Variants in PSMA1 observed in about 807,000 individuals in gnomAD.
PSMA1 encodes the protein proteasome subunit alpha type-1.
PSMA1 carries 3 observed loss-of-function variants against 38.4 expected under a neutral mutation model. The ratio of observed to expected loss-of-function variants is 0.08; its 90% CI spans 0.04 to 0.20. The LOEUF is 0.20. Ranked by LOEUF, PSMA1 falls within the 10% of genes least tolerant of loss-of-function variation. The pLI, the probability that PSMA1 is intolerant of heterozygous loss-of-function variation, is 1.00. For missense variants in PSMA1, 227 were observed against 325.3 expected, an observed-to-expected ratio of 0.70 and a Z score of 2.32; for synonymous variants, 101 against 107.1, an observed-to-expected ratio of 0.94 and a Z score of 0.35.
chr11:14,603,466 G>A (rs1157429620), intron 2 of PSMA1, among the ~76,000 whole-genome samples: 4 of 152,082 alleles, frequency 2.6e-5, no homozygotes, highest in Non-Finnish European at 4.4e-5. Flanking sequence ...CCTCAAAATG[G>A]GCAATGAGGA....
At chr11:14,615,398 A>G (rs1244896872) in intron 1 of PSMA1, among the ~76,000 whole-genome samples, 1 of 152,192 alleles carries the variant, frequency 6.6e-6, no homozygotes, top group Non-Finnish European at 1.5e-5. Flanking sequence ...GGTAGATTTG[A>G]ACAGTGGGAC....
At chr11:14,507,114 G>C (rs1290338352) in intron 9 of PSMA1, among the ~76,000 whole-genome samples, 1 of 152,110 alleles carries the variant, frequency 6.6e-6, no homozygotes, top group South Asian at 2.1e-4. Context: ...TAAGTTTTGG[G>C]GTAGCTTATT....
At chr11:14,633,620 A>G (rs922246219) in intron 1 of PSMA1, among the ~76,000 whole-genome samples, 6 of 152,196 alleles carry the variant, frequency 3.9e-5, no homozygotes, top group African/African-American at 1.4e-4. Context: ...CCAGAAGTGG[A>G]GCCTACAAAG....
At chr11:14,614,287 T>G (rs1171795666) in intron 1 of PSMA1, among the ~76,000 whole-genome samples, 1 of 152,164 alleles carries the variant, frequency 6.6e-6, no homozygotes, top group African/African-American at 2.4e-5. Flanking sequence ...AGAAGTGTCA[T>G]CAGTGGATTT....
intron 1 of PSMA1, among the ~76,000 whole-genome samples, chr11:14,614,427 C>T (rs989374835): frequency 6.6e-6 from 1 of 151,530 alleles, no homozygotes; most frequent in African/African-American, 2.4e-5. Context: ...ATGAATTGTT[C>T]TTCTTCAGAC....
intron 1 of PSMA1, among the ~76,000 whole-genome samples, chr11:14,640,272 T>C (rs1333249163): frequency 6.6e-6 from 1 of 151,984 alleles, no homozygotes. Context: ...GAGAGAGAAA[T>C]GGAACTAGAA....
At chr11:14,630,040 C>T (rs1852978440) in intron 1 of PSMA1, among the ~76,000 whole-genome samples, 1 of 151,490 alleles carries the variant, frequency 6.6e-6, no homozygotes, top group African/African-American at 2.4e-5. Flanking sequence ...GCTGAAGTTG[C>T]TTATCAGCTT....
At chr11:14,515,700 C>T (rs914482354) in intron 4 of PSMA1, among the ~76,000 whole-genome samples, 2 of 151,548 alleles carry the variant, frequency 1.3e-5, no homozygotes, top group African/African-American at 4.8e-5. Context: ...ATTACAGGTG[C>T]CTGCCACCAC....
intron 8 of PSMA1, among the ~76,000 whole-genome samples, chr11:14,508,571 A>AAAAAAAAAAAAAAAAAAAAC (rs1190465759): frequency 6.7e-6 from 1 of 149,572 alleles, no homozygotes. Flanking sequence ...CAAAAAAAAA[A>AAAAAAAAAAAAAAAAAAAAC]AAAAAACCCA....
chr11:14,571,266 T>A (rs1852137083), intron 2 of PSMA1, among the ~76,000 whole-genome samples: 1 of 152,190 alleles, frequency 6.6e-6, no homozygotes, highest in South Asian at 2.1e-4. Flanking sequence ...CGTTTCACCA[T>A]GTTAGCCAGG....
rs896010657 is a variant in PSMA1, at chr11:14,517,928, G to T, written c.102C>A (p.Ala34=). 6.2e-7 allele frequency: 1 copy of T among 1,609,952 alleles called. No homozygotes were observed. Among genetic ancestry groups the T allele is most frequent in the South Asian group, 1.1e-5 (1 of 89,422 alleles). Reference sequence around the variant, plus strand: ...GAGTTTTTGATTTCAGACCAACTGTGGCTGAACCTTGTTTAACAGCTTCCA... The same window carrying T: ...GAGTTTTTGATTTCAGACCAACTGTTGCTGAACCTTGTTTAACAGCTTCCA... The part of the protein sequence containing the change: ...YAMEAVKQGS[A]TVGLKSKTHA... The change falls in exon 3 of 10, where the codon GCC becomes GCA. Residue 34 remains alanine (A), a synonymous_variant. Transcript: ENST00000396394.
chr11:14,596,349 C>A (rs1852493254), intron 2 of PSMA1, among the ~76,000 whole-genome samples: 1 of 152,184 alleles, frequency 6.6e-6, no homozygotes, highest in Non-Finnish European at 1.5e-5. Flanking sequence ...TGGCCATTTT[C>A]ATGATATTGA....
intron 4 of PSMA1, among the ~76,000 whole-genome samples, chr11:14,517,355 C>T (rs986412855): frequency 1.1e-4 from 17 of 152,206 alleles, no homozygotes; most frequent in African/African-American, 3.9e-4. Flanking sequence ...AAAAGTATCA[C>T]GTTCTTCTTA....
At chr11:14,564,805 G>T (rs1852050712) in intron 2 of PSMA1, among the ~76,000 whole-genome samples, 1 of 149,434 alleles carries the variant, frequency 6.7e-6, no homozygotes, top group African/African-American at 2.5e-5. Context: ...TTTGAGAAGG[G>T]TCCCACTCTG....
At chr11:14,536,316 C>G (rs1851706770) in intron 2 of PSMA1, among the ~76,000 whole-genome samples, 1 of 152,130 alleles carries the variant, frequency 6.6e-6, no homozygotes, top group Non-Finnish European at 1.5e-5. Flanking sequence ...CACCTGCGGT[C>G]AAGAATTCGA....
chr11:14,570,428 G>C (rs895464852), intron 2 of PSMA1, among the ~76,000 whole-genome samples: 1 of 152,160 alleles, frequency 6.6e-6, no homozygotes, highest in African/African-American at 2.4e-5. Flanking sequence ...CAAGCTAAAG[G>C]AGGATGTTCA....
chr11:14,596,730 C>G (rs1378518591), intron 2 of PSMA1, among the ~76,000 whole-genome samples: 1 of 152,126 alleles, frequency 6.6e-6, no homozygotes, highest in East Asian at 1.9e-4. Flanking sequence ...ATTGAATACC[C>G]TTTATTTCTT....
chr11:14,610,720 C>T, intron 2 of PSMA1: 1 of 494,996 alleles, frequency 2.0e-6, no homozygotes, highest in South Asian at 3.1e-5. Context: ...GATAATTCAC[C>T]TTGTAACTTA....
At chr11:14,522,948 G>GCC (rs1851545127), upstream of PSMA1, among the ~76,000 whole-genome samples, 1 of 152,116 alleles carries the variant, frequency 6.6e-6, no homozygotes, top group Non-Finnish European at 1.5e-5. Flanking sequence ...CTGAAACAAA[G>GCC]CCTGGCATAT....
Sources: gnomAD v4.1 joint callset for allele counts (sites outside exome capture counted in the v4.1 genomes callset) on GRCh38, gnomAD v4.1.1 for gene constraint, MANE v1.5 for transcripts, NCBI Gene and HGNC (gene_info 2026-07-23, HGNC 2026-07-21) for gene names.